Variants in ADGRV1 observed in about 807,000 individuals in gnomAD.
ADGRV1 encodes the protein G-protein coupled receptor 98.
Under a neutral mutation model 596.2 loss-of-function variants are expected in ADGRV1, and 359 were observed. That is an observed-to-expected ratio of 0.60 (90% confidence interval 0.55 to 0.66). ADGRV1 has a LOEUF of 0.66. Among genes scored for constraint, ADGRV1 ranks in the 30% least tolerant of loss-of-function variants. The pLI, the probability that ADGRV1 is intolerant of heterozygous loss-of-function variation, is 0.00. For missense variants in ADGRV1, 7,274 were observed against 7,575.6 expected (o/e 0.96, Z 1.48); for synonymous variants, 2,681 against 2,679.2 (o/e 1.00, Z -0.02).
rs562141647 is a variant in ADGRV1, at chr5:90,973,517, T to C, written c.17973+7986T>C. On this transcript the variant is annotated intron_variant, in intron 84 of 89. Transcript: ENST00000405460. ...GCTTATCCACCATGATCAAGTGGAC[T>C]TCATCCCTGGGATGCAAGGCTGGTT... 2.5e-3 allele frequency among the ~76,000 whole-genome samples: 375 copies of C among 152,306 alleles called. 1 individual carries two copies. The highest frequency in any genetic ancestry group is 8.3e-3 in the African/African-American group (344 of 41,580).
intron 77 of ADGRV1, among the ~76,000 whole-genome samples, chr5:90,837,049 G>C (rs760228050): frequency 6.6e-6 from 1 of 152,160 alleles, no homozygotes; most frequent in African/African-American, 2.4e-5. Flanking sequence ...TTGTAACATA[G>C]ATACCCTTTG....
intron 1 of ADGRV1, among the ~76,000 whole-genome samples, chr5:90,604,157 A>T (rs1442609520): frequency 6.6e-6 from 1 of 151,954 alleles, no homozygotes; most frequent in African/African-American, 2.4e-5. Context: ...CTAGACATCC[A>T]TTTTTTTAAA....
intron 1 of ADGRV1, among the ~76,000 whole-genome samples, chr5:90,611,704 A>C (rs1026411423): frequency 6.6e-6 from 1 of 152,082 alleles, no homozygotes; most frequent in East Asian, 1.9e-4. Context: ...GGCATGAAAA[A>C]ATTTTGTTAA....
chr5:90,668,735 A>G (rs1771978908), intron 21 of ADGRV1, among the ~76,000 whole-genome samples: 1 of 152,124 alleles, frequency 6.6e-6, no homozygotes, highest in Non-Finnish European at 1.5e-5. Context: ...TTTTCTATAA[A>G]GTGTTGATAT....
intron 83 of ADGRV1, among the ~76,000 whole-genome samples, chr5:90,874,131 C>A (rs1457469092): frequency 6.6e-6 from 1 of 152,180 alleles, no homozygotes; most frequent in Non-Finnish European, 1.5e-5. Flanking sequence ...TCAGTCTCTG[C>A]CCATTCTCTG....
Position 91,037,589 on chromosome 5 carries a change from A to G in ADGRV1, c.18153-34858A>G, listed in dbSNP as rs530429798. Among the ~76,000 whole-genome samples, 13 of 152,364 alleles carry G rather than the reference A, an allele frequency of 8.5e-5. No homozygotes were observed. In the East Asian group the frequency reaches 2.1e-3, roughly 25 times the overall value. ...AAGGTATATGTAATGTTTGCCTTCAAGGAGCTAACAGTCTGGTGATAGTGA... is the reference window on the plus strand; with the variant it reads ...AAGGTATATGTAATGTTTGCCTTCAGGGAGCTAACAGTCTGGTGATAGTGA... On this transcript the variant is annotated intron_variant, in intron 85 of 89. Coordinates refer to ENST00000405460, the MANE Select transcript of ADGRV1 (RefSeq NM_032119.4).
At chr5:90,593,505 C>T (rs968089024) in intron 1 of ADGRV1, among the ~76,000 whole-genome samples, 1 of 152,038 alleles carries the variant, frequency 6.6e-6, no homozygotes, top group Admixed American at 6.5e-5. Context: ...ATATAAACGA[C>T]GAGTTGATGG....
At chr5:90,889,503 G>A (rs1770607513) in intron 83 of ADGRV1, among the ~76,000 whole-genome samples, 1 of 151,846 alleles carries the variant, frequency 6.6e-6, no homozygotes, top group South Asian at 2.1e-4. Flanking sequence ...TCTTAAACAG[G>A]GTATTAATAC....
chr5:90,861,386 T>C (rs1254047410), intron 82 of ADGRV1, among the ~76,000 whole-genome samples: 1 of 152,122 alleles, frequency 6.6e-6, no homozygotes, highest in Non-Finnish European at 1.5e-5. Flanking sequence ...CTTGGCTCAC[T>C]GCAACCTCCG....
intron 87 of ADGRV1, among the ~76,000 whole-genome samples, chr5:91,149,181 G>T (rs1795807968): frequency 1.3e-5 from 2 of 152,194 alleles, no homozygotes; most frequent in Non-Finnish European, 2.9e-5. Flanking sequence ...GGAAGGACAT[G>T]ATTGTGTTTT....
At chr5:90,599,416 A>G (rs1428314908) in intron 1 of ADGRV1, among the ~76,000 whole-genome samples, 7 of 152,178 alleles carry the variant, frequency 4.6e-5, no homozygotes, top group African/African-American at 1.7e-4. Context: ...GCTGTTATTA[A>G]CATTTTTATC....
At chr5:90,574,440 T>G (rs965446678) in intron 1 of ADGRV1, among the ~76,000 whole-genome samples, 1 of 152,212 alleles carries the variant, frequency 6.6e-6, no homozygotes, top group African/African-American at 2.4e-5. Flanking sequence ...TGTTCTTGAT[T>G]TAACTTTCAG....
At chr5:90,909,154 A>G (rs1195339658) in intron 83 of ADGRV1, among the ~76,000 whole-genome samples, 3 of 152,180 alleles carry the variant, frequency 2.0e-5, no homozygotes, top group East Asian at 3.8e-4. Context: ...GAAAGCATCC[A>G]GTAGGAAACG....
intron 27 of ADGRV1, among the ~76,000 whole-genome samples, chr5:90,682,474 G>T (rs1298472159): frequency 6.6e-6 from 1 of 152,198 alleles, no homozygotes; most frequent in African/African-American, 2.4e-5. Flanking sequence ...TATATGATGT[G>T]TGTGTTTGTG....
chr5:90,745,008 A>G (rs776287644), intron 50 of ADGRV1, 38 bp from the exon 51 acceptor site: 2 of 1,461,780 alleles, frequency 1.4e-6, no homozygotes, highest in South Asian at 2.3e-5. Context: ...GTGACAGTTT[A>G]TATCTCACTC....
At chr5:90,893,440 G>A (rs1017726838) in intron 83 of ADGRV1, among the ~76,000 whole-genome samples, 4 of 152,104 alleles carry the variant, frequency 2.6e-5, no homozygotes, top group Admixed American at 6.6e-5. Flanking sequence ...TGTGGGAGGG[G>A]ACTACGCAAG....
At chr5:90,806,951 C>T (rs747371937) in intron 72 of ADGRV1, among the ~76,000 whole-genome samples, 1 of 152,020 alleles carries the variant, frequency 6.6e-6, no homozygotes, top group African/African-American at 2.4e-5. Context: ...CTCCCGGGCT[C>T]AAGGTATTCT....
At chr5:90,728,555 A>G (rs1483094529) in intron 48 of ADGRV1, 114 bp from the exon 49 acceptor site, 2 of 881,378 alleles carry the variant, frequency 2.3e-6, no homozygotes, top group East Asian at 2.4e-5. Context: ...TTATGAAAGT[A>G]TCTTTTTAAC....
intron 20 of ADGRV1, among the ~76,000 whole-genome samples, chr5:90,657,569 C>T (rs1468687214): frequency 6.6e-6 from 1 of 152,030 alleles, no homozygotes. Flanking sequence ...TACATACATG[C>T]ATACGTGTGT....
Sources: allele counts gnomAD v4.1 joint callset (sites outside exome capture counted in the v4.1 genomes callset), GRCh38; gene constraint gnomAD v4.1.1; transcripts MANE v1.5; gene names NCBI Gene and HGNC (gene_info 2026-07-23, HGNC 2026-07-21).